The following CTNNA3 variants were observed in gnomAD, a reference collection of about 807,000 sequenced individuals.
CTNNA3 encodes catenin alpha 3, also known as catenin alpha-3.
A neutral mutation model predicts 95.7 loss-of-function variants in CTNNA3; 76 were observed. The ratio of observed to expected loss-of-function variants is 0.79; its 90% CI spans 0.66 to 0.96. The LOEUF is 0.96. CTNNA3 is among the 40% of genes least tolerant of loss of function. CTNNA3 has a pLI of 0.00. For synonymous variants in CTNNA3, 431 were observed against 374.4 expected (o/e 1.15, Z -1.74); for missense variants, 1,191 against 1,089.8 (o/e 1.09, Z -1.31).
chr10:66,423,720 G>T (rs1037246765), intron 11 of CTNNA3, among the ~76,000 whole-genome samples: 1 of 152,114 alleles, frequency 6.6e-6, no homozygotes, highest in Non-Finnish European at 1.5e-5. Flanking sequence ...CCTGTGATAA[G>T]CCCTCTTGCC....
At chr10:66,299,133 C>T (rs758598608) in intron 12 of CTNNA3, among the ~76,000 whole-genome samples, 12 of 152,156 alleles carry the variant, frequency 7.9e-5, no homozygotes, top group Admixed American at 2.0e-4. Flanking sequence ...CCTTTCTAGA[C>T]GGAACCAATG....
intron 7 of CTNNA3, among the ~76,000 whole-genome samples, chr10:67,088,446 G>T (rs1857430713): frequency 6.6e-6 from 1 of 151,582 alleles, no homozygotes; most frequent in African/African-American, 2.4e-5. Flanking sequence ...ATTCAAAAGT[G>T]GCCACATCAT....
intron 1 of CTNNA3, among the ~76,000 whole-genome samples, chr10:67,708,933 C>T (rs10997788): frequency 6.6e-6 from 1 of 151,770 alleles, no homozygotes; most frequent in South Asian, 2.1e-4. Context: ...TTACTAACTA[C>T]AAACTGACTA....
intron 3 of CTNNA3, among the ~76,000 whole-genome samples, chr10:67,594,338 T>G (rs148680108): frequency 6.6e-6 from 1 of 152,280 alleles, no homozygotes; most frequent in East Asian, 1.9e-4. Flanking sequence ...CCAGCTCTTC[T>G]TTATATGTCT....
rs529794564 is a variant in CTNNA3, at chr10:66,616,496, T to C, written c.1374+5196A>G. Among the ~76,000 whole-genome samples, 221 of 152,194 alleles carry C rather than the reference T, an allele frequency of 1.5e-3. 2 individuals carry two copies. The South Asian group carries it at 0.026, about 18-fold the overall frequency. ...CTCCAGGTCTTTTCCTGGCTAAAAATTCCCTATTGCTTTTCTGAGGTGTTC... is the reference window on the plus strand; with the variant it reads ...CTCCAGGTCTTTTCCTGGCTAAAAACTCCCTATTGCTTTTCTGAGGTGTTC... On this transcript the variant is annotated intron_variant, in intron 10 of 17. Coordinates refer to ENST00000433211, the MANE Select transcript of CTNNA3 (RefSeq NM_013266.4).
chr10:67,742,503 T>C (rs1841346358), intron 1 of CTNNA3, among the ~76,000 whole-genome samples: 1 of 150,606 alleles, frequency 6.6e-6, no homozygotes, highest in African/African-American at 2.4e-5. Flanking sequence ...TTCAAGGCAG[T>C]GTGTGGAGGG....
At chr10:66,209,030 T>C (rs752077208) in intron 13 of CTNNA3, among the ~76,000 whole-genome samples, 52 of 152,240 alleles carry the variant, frequency 3.4e-4, no homozygotes, top group Non-Finnish European at 5.3e-4. Context: ...CAATATAGTA[T>C]ATTTTTATGC....
chr10:67,668,186 A>T (rs533778776), intron 1 of CTNNA3, among the ~76,000 whole-genome samples: 8 of 152,018 alleles, frequency 5.3e-5, no homozygotes, highest in East Asian at 1.9e-4. Flanking sequence ...TTTGTAGATT[A>T]AAAAAAATTA....
intron 7 of CTNNA3, among the ~76,000 whole-genome samples, chr10:66,908,512 C>A (rs561810762): frequency 1.3e-5 from 2 of 151,994 alleles, no homozygotes; most frequent in African/African-American, 2.4e-5. Flanking sequence ...GGTTTTTCAT[C>A]GTCCAATATG....
At chr10:66,141,324 T>C (rs1189027909) in intron 13 of CTNNA3, among the ~76,000 whole-genome samples, 1 of 151,352 alleles carries the variant, frequency 6.6e-6, no homozygotes, top group African/African-American at 2.4e-5. Flanking sequence ...AATTGCAGTA[T>C]AGTTTGCTTA....
At chr10:67,735,336 G>C (rs1841297056) in intron 1 of CTNNA3, among the ~76,000 whole-genome samples, 1 of 151,948 alleles carries the variant, frequency 6.6e-6, no homozygotes, top group Admixed American at 6.6e-5. Context: ...CAAAGAATAA[G>C]AGATAAAAGA....
At chr10:67,459,097 A>G (rs992781303) in intron 5 of CTNNA3, among the ~76,000 whole-genome samples, 1 of 152,220 alleles carries the variant, frequency 6.6e-6, no homozygotes, top group African/African-American at 2.4e-5. Flanking sequence ...AATATTGAGC[A>G]CTATGTCTGT....
In CTNNA3 at chr10:67,006,530, A is replaced by G. The variant is rs539078882; in HGVS notation, c.1047+173787T>C. 2.3e-4 allele frequency among the ~76,000 whole-genome samples: 25 copies of G among 108,968 alleles called. No individual in the cohort carries two copies. In the South Asian group the frequency reaches 8.2e-3, roughly 36 times the overall value. The allele number at this position is 108,968 out of a possible 152,430, so 71.5% of individuals were successfully genotyped here. ...CTTTTTCCTGGGACAAATCCCCCAG[A>G]TGTTTTCTATTCTCTTATAACTTCA... On this transcript the variant is annotated intron_variant, in intron 7 of 17. Coordinates refer to ENST00000433211, the MANE Select transcript of CTNNA3 (RefSeq NM_013266.4).
intron 17 of CTNNA3, among the ~76,000 whole-genome samples, chr10:65,954,383 T>A (rs1047842643): frequency 6.6e-6 from 1 of 152,220 alleles, no homozygotes; most frequent in Non-Finnish European, 1.5e-5. Flanking sequence ...AGAAGCTCTT[T>A]AGTTTAATTA....
At chr10:67,299,292 A>G (rs1263364893) in intron 5 of CTNNA3, among the ~76,000 whole-genome samples, 1 of 152,040 alleles carries the variant, frequency 6.6e-6, no homozygotes, top group Non-Finnish European at 1.5e-5. Flanking sequence ...CCTTCATTAC[A>G]TGGATCAAGA....
chr10:66,388,735 A>G (rs2132522121), intron 11 of CTNNA3, among the ~76,000 whole-genome samples: 1 of 152,284 alleles, frequency 6.6e-6, no homozygotes, highest in Admixed American at 6.5e-5. Context: ...TATAGTAAGA[A>G]TATTAGAGAA....
chr10:65,939,098 G>A (rs916569293), intron 17 of CTNNA3, among the ~76,000 whole-genome samples: 2 of 151,922 alleles, frequency 1.3e-5, no homozygotes, highest in Non-Finnish European at 2.9e-5. Context: ...GTAGAGACGG[G>A]GTTTCATCGT....
intron 2 of CTNNA3, among the ~76,000 whole-genome samples, chr10:67,624,582 CTT>C (rs1261152785): frequency 2.6e-5 from 4 of 152,188 alleles, no homozygotes; most frequent in Non-Finnish European, 5.9e-5. Flanking sequence ...TAATCTGCCT[CTT>C]GTCAGTTGAT....
chr10:67,457,716 C>G (rs1323036798), intron 5 of CTNNA3, among the ~76,000 whole-genome samples: 1 of 152,092 alleles, frequency 6.6e-6, no homozygotes, highest in African/African-American at 2.4e-5. Context: ...ATTTCTCTGC[C>G]TTTTCCAGCT....
Sources: gnomAD v4.1 joint callset for allele counts (sites outside exome capture counted in the v4.1 genomes callset) on GRCh38, gnomAD v4.1.1 for gene constraint, MANE v1.5 for transcripts, NCBI Gene and HGNC (gene_info 2026-07-23, HGNC 2026-07-21) for gene names.